The following AGBL1 variants were observed in gnomAD, a reference collection of about 807,000 sequenced individuals.
The protein encoded by AGBL1 is cytosolic carboxypeptidase 4.
AGBL1 carries 130 observed loss-of-function variants against 118.9 expected under a neutral mutation model. The ratio of observed to expected loss-of-function variants is 1.09; its 90% CI spans 0.95 to 1.26. AGBL1 has a LOEUF of 1.26. Among genes scored for constraint, AGBL1 ranks in the 50% most tolerant of loss-of-function variants. AGBL1 has a pLI of 0.00. For synonymous variants in AGBL1, 555 were observed against 478.9 expected (o/e 1.16, Z -2.08); for missense variants, 1,584 against 1,298.1 (o/e 1.22, Z -3.38).
In AGBL1 at chr15:86,998,449, G is replaced by A. The variant is rs576838349; in HGVS notation, c.3323+10361G>A. On this transcript the variant is annotated intron_variant, in intron 24 of 24. Transcript: ENST00000441037. ...TTGCCAGCAGACACATGAATTGGGA[G>A]TGGATACTTTCCCAGCTGAGACTTA... Among the ~76,000 whole-genome samples the A allele has an allele frequency of 2.2e-4, 34 of 152,168 alleles. 1 individual carries two copies. Among genetic ancestry groups the A allele is most frequent in the Non-Finnish European group, 4.4e-4 (30 of 68,040 alleles).
At chr15:86,948,083 G>A (rs1209726633) in intron 23 of AGBL1, among the ~76,000 whole-genome samples, 2 of 151,992 alleles carry the variant, frequency 1.3e-5, no homozygotes, top group East Asian at 1.9e-4. Flanking sequence ...AACATTTTAC[G>A]GCATGACAGA....
chr15:86,834,969 G>A (rs756935037), intron 22 of AGBL1, among the ~76,000 whole-genome samples: 4 of 152,076 alleles, frequency 2.6e-5, no homozygotes, highest in Non-Finnish European at 4.4e-5. Flanking sequence ...TACTCTAAAG[G>A]CAATCCCACG....
At chr15:86,209,766 C>T (rs539608329) in intron 5 of AGBL1, among the ~76,000 whole-genome samples, 1 of 152,118 alleles carries the variant, frequency 6.6e-6, no homozygotes, top group African/African-American at 2.4e-5. Context: ...GACTCTTTAT[C>T]CAATTTGCCA....
At chr15:86,579,794 T>C (rs891075757) in intron 21 of AGBL1, among the ~76,000 whole-genome samples, 3 of 152,050 alleles carry the variant, frequency 2.0e-5, no homozygotes, top group African/African-American at 4.8e-5. Flanking sequence ...GAAAACAAGA[T>C]AGACACATGA....
At chr15:86,204,907 CA>C (rs2077966822) in intron 5 of AGBL1, among the ~76,000 whole-genome samples, 2 of 152,136 alleles carry the variant, frequency 1.3e-5, no homozygotes, top group Admixed American at 1.3e-4. Context: ...TCTGAATCTA[CA>C]TTGGCACTTC....
chr15:86,691,626 T>C (rs2086173537), intron 22 of AGBL1, among the ~76,000 whole-genome samples: 1 of 152,110 alleles, frequency 6.6e-6, no homozygotes, highest in Admixed American at 6.6e-5. Flanking sequence ...ATAAAATCTG[T>C]TGATGTAAAA....
At chr15:86,532,118 G>A (rs1182494636) in intron 19 of AGBL1, among the ~76,000 whole-genome samples, 22 of 150,862 alleles carry the variant, frequency 1.5e-4, no homozygotes, top group Admixed American at 5.9e-4. Context: ...AGGGCAATCA[G>A]GCAGGAGAAG....
intron 17 of AGBL1, among the ~76,000 whole-genome samples, chr15:86,388,046 A>G (rs369287792): frequency 6.6e-6 from 1 of 152,166 alleles, no homozygotes. Flanking sequence ...TGGTTTGGAA[A>G]TGATAATCTG....
At position 86,546,049 on chromosome 15, in the gene AGBL1, T is replaced by A; in HGVS notation, c.2733T>A (p.Leu911=). Residue 911 remains leucine (L), a synonymous_variant, in exon 20 of 23, where the codon CTT becomes CTA. Transcript: ENST00000614907. ...HGHSQKKNVF[L]YGCSIKETLW... ...ACTCCCAAAAGAAGAATGTGTTCCT[T>A]TATGGCTGTAGCATCAAGGAAACCT... The A allele has an allele frequency of 6.2e-7, 1 of 1,613,416 alleles. No individual in the cohort carries two copies. Among genetic ancestry groups the A allele is most frequent in the African/African-American group, 1.3e-5 (1 of 75,022 alleles).
intron 5 of AGBL1, among the ~76,000 whole-genome samples, chr15:86,166,966 A>G (rs546902554): frequency 6.6e-6 from 1 of 152,094 alleles, no homozygotes; most frequent in South Asian, 2.1e-4. Flanking sequence ...CTCCCTATAG[A>G]TTTCCCTCAG....
Position 86,279,626 on chromosome 15 carries a change from CCT to C in AGBL1, c.2076-6_2076-5del, listed in dbSNP as rs752302272. The C allele has an allele frequency of 1.4e-5, 23 of 1,612,152 alleles. No homozygotes were observed. Among genetic ancestry groups the C allele is most frequent in the South Asian group, 2.2e-5 (2 of 91,046 alleles). ...CTCCCTTATTCTCTTCTCTTCTCCT[CCT>C]CTCTCTTTAGAAATCATTATCGCCA... On this transcript the variant is annotated splice_polypyrimidine_tract_variant and intron_variant, in intron 15 of 22. Coordinates refer to ENST00000614907, the MANE Select transcript of AGBL1 (RefSeq NM_001386094.1).
At chr15:86,803,840 C>A (rs1567181454) in intron 22 of AGBL1, among the ~76,000 whole-genome samples, 2 of 152,094 alleles carry the variant, frequency 1.3e-5, no homozygotes, top group Non-Finnish European at 2.9e-5. Context: ...GTGGAGGATG[C>A]TTCTGGTATC....
intron 21 of AGBL1, among the ~76,000 whole-genome samples, chr15:86,670,246 C>T (rs1271570712): frequency 2.6e-5 from 4 of 152,092 alleles, no homozygotes; most frequent in African/African-American, 9.7e-5. Context: ...GATTAATTTA[C>T]ACTTCCACCA....
At chr15:86,407,821 G>A (rs184928609) in intron 18 of AGBL1, among the ~76,000 whole-genome samples, 2 of 152,112 alleles carry the variant, frequency 1.3e-5, no homozygotes, top group African/African-American at 4.8e-5. Flanking sequence ...ATTTATGATC[G>A]TGGGACTCTT....
At chr15:86,680,582 T>G (rs2085936325) in intron 22 of AGBL1, among the ~76,000 whole-genome samples, 1 of 146,188 alleles carries the variant, frequency 6.8e-6, no homozygotes, top group South Asian at 2.2e-4. Flanking sequence ...TTTTTTTTTT[T>G]TTTGAGATGG....
intron 1 of AGBL1, among the ~76,000 whole-genome samples, chr15:86,103,844 G>A (rs1389294104): frequency 1.3e-5 from 2 of 152,186 alleles, no homozygotes; most frequent in African/African-American, 2.4e-5. Context: ...CAGGTGGCTT[G>A]CTGACTTGCT....
At chr15:86,456,323 T>C (rs533472646) in intron 18 of AGBL1, among the ~76,000 whole-genome samples, 5 of 152,356 alleles carry the variant, frequency 3.3e-5, no homozygotes, top group African/African-American at 1.2e-4. Context: ...ACATATTCCA[T>C]CCATACTGTT....
Position 86,197,615 on chromosome 15 carries a change from T to G in AGBL1, c.489-27299T>G, listed in dbSNP as rs993215111. 2.1e-4 allele frequency among the ~76,000 whole-genome samples: 32 copies of G among 152,146 alleles called. 1 individual carries two copies. The highest frequency in any genetic ancestry group is 1.6e-4 in the Non-Finnish European group (11 of 68,010). On this transcript the variant is annotated intron_variant, in intron 5 of 22. Transcript: ENST00000614907. ...AGAAAATTCTAGAGAAGAAAGAAAT[T>G]GACAAAGGAATTGTTAAGCAAAAAG...
intron 3 of AGBL1, among the ~76,000 whole-genome samples, chr15:86,144,218 G>A (rs2077002810): frequency 6.6e-6 from 1 of 152,218 alleles, no homozygotes; most frequent in Admixed American, 6.5e-5. Context: ...CACTGTTGGT[G>A]GGAGTATAAG....
Sources: gnomAD v4.1 joint callset for allele counts (sites outside exome capture counted in the v4.1 genomes callset) on GRCh38, gnomAD v4.1.1 for gene constraint, MANE v1.5 for transcripts, NCBI Gene and HGNC (gene_info 2026-07-23, HGNC 2026-07-21) for gene names.